Variants in UNC13C observed in about 807,000 individuals in gnomAD.
UNC13C encodes the protein protein unc-13 homolog C.
Under a neutral mutation model 245.4 loss-of-function variants are expected in UNC13C, and 174 were observed. That is an observed-to-expected ratio of 0.71 (90% CI 0.63 to 0.80). The LOEUF (loss-of-function observed/expected upper bound fraction) is 0.80, where lower values mean the gene tolerates loss of function less well. Ranked by LOEUF, UNC13C falls within the 30% of genes least tolerant of loss-of-function variation. The pLI is 0.00. For synonymous variants in UNC13C, 992 were observed against 895.1 expected (o/e 1.11, Z -1.93); for missense variants, 2,829 against 2,602.9 (o/e 1.09, Z -1.89).
At chr15:53,874,966 C>T in the UNC13C span, among the ~76,000 whole-genome samples, 1 of 152,030 alleles carries the variant, frequency 6.6e-6, no homozygotes, top group East Asian at 1.9e-4. Flanking sequence ...TGGTGGCATG[C>T]ACCTGAATCC....
chr15:54,047,072 T>G (rs1207124036), intron 2 of UNC13C, among the ~76,000 whole-genome samples: 1 of 152,064 alleles, frequency 6.6e-6, no homozygotes, highest in East Asian at 1.9e-4. Flanking sequence ...GGTATTTATT[T>G]TTTAAAAAGT....
chr15:54,525,329 C>T (rs558269832), intron 24 of UNC13C, among the ~76,000 whole-genome samples: 15 of 151,298 alleles, frequency 9.9e-5, no homozygotes, highest in Non-Finnish European at 1.6e-4. Flanking sequence ...TATGCATGCC[C>T]TGCATTTCAA....
At chr15:54,033,442 G>A (rs1896449912) in intron 2 of UNC13C, among the ~76,000 whole-genome samples, 3 of 151,990 alleles carry the variant, frequency 2.0e-5, no homozygotes, top group Admixed American at 6.6e-5. Context: ...TCTTATTGTC[G>A]TGGGATTTTT....
intron 25 of UNC13C, among the ~76,000 whole-genome samples, chr15:54,530,955 A>G (rs554725740): frequency 6.6e-6 from 1 of 152,278 alleles, no homozygotes; most frequent in South Asian, 2.1e-4. Flanking sequence ...TCTGGTTTTT[A>G]TTTTAAAAGG....
chr15:54,116,416 C>G (rs1595875126), intron 2 of UNC13C, among the ~76,000 whole-genome samples: 1 of 152,122 alleles, frequency 6.6e-6, no homozygotes, highest in African/African-American at 2.4e-5. Flanking sequence ...ATCAGCCTAT[C>G]TTTATAACCT....
chr15:54,324,134 A>C (rs969842318), intron 14 of UNC13C, among the ~76,000 whole-genome samples: 2 of 152,074 alleles, frequency 1.3e-5, no homozygotes, highest in Non-Finnish European at 2.9e-5. Context: ...AAAGTTGGTG[A>C]TTTGGTATAT....
chr15:54,428,209 C>T (rs1231112602), intron 19 of UNC13C, among the ~76,000 whole-genome samples: 1 of 151,700 alleles, frequency 6.6e-6, no homozygotes, highest in East Asian at 1.9e-4. Flanking sequence ...TTTGATCTGA[C>T]AAAAATCAAA....
At chr15:53,892,048 C>T in the UNC13C span, among the ~76,000 whole-genome samples, 2 of 151,244 alleles carry the variant, frequency 1.3e-5, no homozygotes, top group African/African-American at 2.4e-5. Context: ...TCTTGTAAGG[C>T]AAGAGCCTTA....
intron 2 of UNC13C, among the ~76,000 whole-genome samples, chr15:54,063,600 G>C (rs1164648214): frequency 6.6e-6 from 1 of 151,946 alleles, no homozygotes; most frequent in Non-Finnish European, 1.5e-5. Flanking sequence ...GAAGCAAACT[G>C]GTATTTTTCC....
chr15:54,455,205 C>CTATATATATATATATATATATATA (rs1214014395), intron 19 of UNC13C, among the ~76,000 whole-genome samples: 3 of 18,962 alleles, frequency 1.6e-4, no homozygotes, highest in African/African-American at 3.8e-4. Flanking sequence ...CTCTCTCTCT[C>CTATATATATATATATATATATATA]TATATATATA....
At chr15:53,877,898 A>G in the UNC13C span, among the ~76,000 whole-genome samples, 2 of 152,148 alleles carry the variant, frequency 1.3e-5, no homozygotes, top group Non-Finnish European at 2.9e-5. Flanking sequence ...TCATTTGGAC[A>G]TTCTTGAGCT....
intron 2 of UNC13C, among the ~76,000 whole-genome samples, chr15:54,043,154 TA>T (rs775860955): frequency 1.6e-4 from 24 of 152,356 alleles, no homozygotes; most frequent in East Asian, 7.7e-4. Context: ...TAAAACCATA[TA>T]TTTTTTTTCA....
At chr15:54,618,483 T>C (rs1900584071) in intron 30 of UNC13C, among the ~76,000 whole-genome samples, 1 of 152,172 alleles carries the variant, frequency 6.6e-6, no homozygotes, top group African/African-American at 2.4e-5. Flanking sequence ...GAATATGATG[T>C]TAGATTATTT....
chr15:53,854,448 A>G, the UNC13C span, among the ~76,000 whole-genome samples: 3 of 152,228 alleles, frequency 2.0e-5, no homozygotes, highest in South Asian at 4.1e-4. Flanking sequence ...AAAGTCTTTA[A>G]TCCATCTTGA....
intron 10 of UNC13C, among the ~76,000 whole-genome samples, chr15:54,267,382 C>T (rs910562477): frequency 6.6e-6 from 1 of 152,054 alleles, no homozygotes; most frequent in Non-Finnish European, 1.5e-5. Context: ...GAGCAGACAT[C>T]TTAGTCTCAT....
chr15:54,167,620 AAAAAG>A (rs1423250969), intron 4 of UNC13C, among the ~76,000 whole-genome samples: 3 of 149,200 alleles, frequency 2.0e-5, no homozygotes, highest in Admixed American at 6.7e-5. Flanking sequence ...AAAAAAAAAA[AAAAAG>A]AAACAAAACC....
At chr15:54,330,371 A>G (rs2038407520) in intron 14 of UNC13C, among the ~76,000 whole-genome samples, 2 of 152,034 alleles carry the variant, frequency 1.3e-5, no homozygotes, top group South Asian at 2.1e-4. Flanking sequence ...AAAGAGGTCG[A>G]GAGGGTGAGC....
At chr15:53,942,128 A>G in the UNC13C span, among the ~76,000 whole-genome samples, 34,232 of 152,196 alleles carry the variant, frequency 0.22, 4,878 homozygotes, top group Non-Finnish European at 0.31. Flanking sequence ...AGCACTATTC[A>G]CAATAGCAAA....
chr15:53,966,724 C>T, the UNC13C span, among the ~76,000 whole-genome samples: 1 of 151,690 alleles, frequency 6.6e-6, no homozygotes, highest in East Asian at 1.9e-4. Context: ...ATTGATTTTT[C>T]TCAGGCATGC....
Sources: allele counts gnomAD v4.1 joint callset (sites outside exome capture counted in the v4.1 genomes callset), GRCh38; gene constraint gnomAD v4.1.1; transcripts MANE v1.5; gene names NCBI Gene and HGNC (gene_info 2026-07-23, HGNC 2026-07-21).